Variants in RBPMS observed in about 807,000 individuals in gnomAD.
RBPMS encodes RNA-binding protein with multiple splicing.
RBPMS carries 7 observed loss-of-function variants against 26.8 expected under a neutral mutation model. The ratio of observed to expected loss-of-function variants is 0.26; its 90% confidence interval spans 0.15 to 0.49. The LOEUF (loss-of-function observed/expected upper bound fraction) is 0.49. RBPMS is among the 20% of genes least tolerant of loss of function. The probability of loss-of-function intolerance (pLI) is 0.98; values close to 1 mark genes in which losing one functional copy is unlikely to be tolerated. For missense variants in RBPMS, 186 were observed against 250.0 expected (o/e 0.74, Z 1.73); for synonymous variants, 96 against 93.3 (o/e 1.03, Z -0.17).
intron 4 of RBPMS, among the ~76,000 whole-genome samples, chr8:30,481,454 C>G (rs1818265414): frequency 6.6e-6 from 1 of 152,010 alleles, no homozygotes; most frequent in Non-Finnish European, 1.5e-5. Context: ...GTGTTTAACC[C>G]TGTTTGCCCC....
intron 1 of RBPMS, among the ~76,000 whole-genome samples, chr8:30,459,653 T>G (rs1419548267): frequency 6.6e-6 from 1 of 152,104 alleles, no homozygotes; most frequent in African/African-American, 2.4e-5. Context: ...AATAAGGAAA[T>G]TGAGACCCAA....
rs186944250 is a variant in RBPMS, at chr8:30,562,056, C to T, written c.*7+3100C>T. 3.4e-3 allele frequency: 3,381 copies of T among 984,940 alleles called. 47 individuals are homozygous for T. In the Admixed American group the frequency reaches 0.051, roughly 15 times the overall value. 61.0% of individuals were successfully genotyped at this position (984,940 alleles called of 1,614,324 possible). ...GAATAAGAATATGTAATGGACCAGG[C>T]GCAGTGCCTCACGCCTGTCATCCCA... On this transcript the variant is annotated intron_variant, in intron 7 of 8. Transcript: ENST00000397323.
intron 1 of RBPMS, among the ~76,000 whole-genome samples, chr8:30,437,733 G>A (rs1220414329): frequency 3.3e-5 from 5 of 150,550 alleles, no homozygotes; most frequent in Non-Finnish European, 7.4e-5. Context: ...GGAGGTTGCA[G>A]TGAGCCCAGA....
intron 1 of RBPMS, chr8:30,444,897 A>G (rs534331988): frequency 2.0e-5 from 3 of 152,342 alleles, no homozygotes; most frequent in Non-Finnish European, 4.4e-5. Context: ...ACCGAAAGCC[A>G]CCCTGTGCAT....
At chr8:30,526,664 G>A (rs905218041) in intron 5 of RBPMS, among the ~76,000 whole-genome samples, 1 of 152,194 alleles carries the variant, frequency 6.6e-6, no homozygotes, top group Non-Finnish European at 1.5e-5. Context: ...AGGAAGAACA[G>A]ATTTGAAAAT....
intron 5 of RBPMS, among the ~76,000 whole-genome samples, chr8:30,541,325 G>C (rs150979637): frequency 0.012 from 1,877 of 152,268 alleles, 10 homozygotes; most frequent in Middle Eastern, 0.017. Context: ...GGGATTACAG[G>C]GTGGAGTTGG....
chr8:30,561,427 G>C (rs1827473090), intron 7 of RBPMS, among the ~76,000 whole-genome samples: 4 of 152,188 alleles, frequency 2.6e-5, no homozygotes. Context: ...CCATGACAGT[G>C]TGTTGAGCTC....
At chr8:30,511,045 C>T (rs950202674) in intron 5 of RBPMS, among the ~76,000 whole-genome samples, 4 of 152,070 alleles carry the variant, frequency 2.6e-5, no homozygotes, top group African/African-American at 9.7e-5. Context: ...GGCGTGGTGG[C>T]TCACACCTGT....
chr8:30,477,971 A>G, intron 3 of RBPMS, 134 bp downstream of exon 3: 1 of 631,474 alleles, frequency 1.6e-6, no homozygotes, highest in Non-Finnish European at 2.8e-6. Context: ...AGTGAGATGT[A>G]TTAGGAATTA....
chr8:30,547,702 G>C lies in RBPMS; in HGVS notation c.528+3078G>C, dbSNP rs1324922621. 1.1e-4 allele frequency among the ~76,000 whole-genome samples: 16 copies of C among 152,238 alleles called. No homozygotes were observed. The South Asian group carries it at 2.3e-3, about 22-fold the overall frequency. On this transcript the variant is annotated intron_variant, in intron 6 of 8. Coordinates refer to ENST00000397323, the MANE Select transcript of RBPMS (RefSeq NM_001008710.3). ...AGCCGAGGCCACACTGCTGCTGCTTGTCTCTCCCTGGGCTCCCAGAAGAGC... is the reference window on the plus strand; with the variant it reads ...AGCCGAGGCCACACTGCTGCTGCTTCTCTCTCCCTGGGCTCCCAGAAGAGC...
At chr8:30,443,056 G>C (rs1271628970) in intron 1 of RBPMS, among the ~76,000 whole-genome samples, 1 of 152,178 alleles carries the variant, frequency 6.6e-6, no homozygotes, top group Non-Finnish European at 1.5e-5. Context: ...ACGTGCTTAA[G>C]TATTCTCGTC....
At chr8:30,527,404 C>T (rs1255881481) in intron 5 of RBPMS, among the ~76,000 whole-genome samples, 1 of 152,176 alleles carries the variant, frequency 6.6e-6, no homozygotes, top group Non-Finnish European at 1.5e-5. Flanking sequence ...CTGCCAGCTC[C>T]CCAGGTCTCT....
chr8:30,537,696 C>A (rs943127621), intron 5 of RBPMS: 9 of 454,640 alleles, frequency 2.0e-5, no homozygotes, highest in Non-Finnish European at 3.5e-5. Context: ...GGATATTTAA[C>A]CTCGCTGTGT....
intron 5 of RBPMS, among the ~76,000 whole-genome samples, chr8:30,513,937 C>T (rs1049182494): frequency 1.3e-5 from 2 of 152,102 alleles, no homozygotes; most frequent in African/African-American, 4.8e-5. Flanking sequence ...GTCCACGCAC[C>T]CCTGGTTGGT....
At position 30,474,782 on chromosome 8, in the gene RBPMS, C is replaced by T. The variant is rs540978589; in HGVS notation, c.70C>T (p.Arg24Trp). The change falls in exon 2 of 9, where the codon CGG (arginine) becomes TGG (tryptophan). Residue 24 changes from arginine to tryptophan, a missense_variant. Arg to Trp is a moderately radical substitution (Grantham distance 101). Transcript: ENST00000397323. ...CTTCCTAAATTTATTTTTCCAGGTC[C>T]GGACCCTATTTGTCAGTGGCCTTCC... ...SEANLQEEEVRTLFVSGLPLD... is the reference protein window; with the variant it reads ...SEANLQEEEVWTLFVSGLPLD... The T allele has an allele frequency of 6.2e-7, 1 of 1,607,362 alleles. No homozygotes were observed. The highest frequency in any genetic ancestry group is 8.5e-7 in the Non-Finnish European group (1 of 1,173,998).
chr8:30,391,434 G>A (rs567569151), intron 1 of RBPMS, among the ~76,000 whole-genome samples: 1 of 152,180 alleles, frequency 6.6e-6, no homozygotes, highest in African/African-American at 2.4e-5. Context: ...GAATGCAAAT[G>A]TTCCTCTTGA....
intron 6 of RBPMS, among the ~76,000 whole-genome samples, chr8:30,548,216 T>C (rs948208390): frequency 5.3e-5 from 8 of 152,226 alleles, no homozygotes; most frequent in African/African-American, 1.9e-4. Context: ...TCAAAAAGCT[T>C]ATACACTGAA....
intron 4 of RBPMS, among the ~76,000 whole-genome samples, chr8:30,498,803 A>T (rs1435733871): frequency 1.3e-5 from 2 of 152,176 alleles, no homozygotes; most frequent in African/African-American, 4.8e-5. Flanking sequence ...GATAGAATTA[A>T]CCAAATGGTG....
chr8:30,426,080 A>C (rs1271995141), intron 1 of RBPMS, among the ~76,000 whole-genome samples: 4 of 152,162 alleles, frequency 2.6e-5, no homozygotes, highest in African/African-American at 9.7e-5. Context: ...GCACTGCTTT[A>C]AAGACGCAGC....
Sources: allele counts gnomAD v4.1 joint callset (sites outside exome capture counted in the v4.1 genomes callset), GRCh38; gene constraint gnomAD v4.1.1; transcripts MANE v1.5; gene names NCBI Gene and HGNC (gene_info 2026-07-23, HGNC 2026-07-21).